The following XKR6 variants were observed in gnomAD, a reference collection of about 807,000 sequenced individuals.
XKR6 encodes XK related 6, also known as XK-related protein 6.
A neutral mutation model predicts 56.7 loss-of-function variants in XKR6; 22 were observed. The observed-to-expected ratio is 0.39, with a 90% CI of 0.28 to 0.55. XKR6 has a LOEUF of 0.55. Among genes scored for constraint, XKR6 ranks in the 20% least tolerant of loss-of-function variants. The pLI is 0.66. For synonymous variants in XKR6, 524 were observed against 387.8 expected (o/e 1.35, Z -4.13); for missense variants, 852 against 889.0 (o/e 0.96, Z 0.53).
At chr8:10,965,296 G>T (rs763219692) in intron 1 of XKR6, among the ~76,000 whole-genome samples, 27 of 152,184 alleles carry the variant, frequency 1.8e-4, no homozygotes, top group Non-Finnish European at 2.9e-4. Context: ...CAGGGCACGT[G>T]CCCTCGATCC....
intron 1 of XKR6, among the ~76,000 whole-genome samples, chr8:11,178,547 A>AAAAT (rs1802779950): frequency 1.1e-5 from 1 of 88,508 alleles, no homozygotes; most frequent in Admixed American, 1.1e-4. Flanking sequence ...GAGAGGTAAA[A>AAAAT]ATATATATAT....
At chr8:11,100,815 T>A (rs1353841532) in intron 1 of XKR6, among the ~76,000 whole-genome samples, 1 of 152,234 alleles carries the variant, frequency 6.6e-6, no homozygotes, top group African/African-American at 2.4e-5. Flanking sequence ...TTTGTCCCAA[T>A]CATTTTATGC....
chr8:11,078,266 G>A (rs1358057078), intron 1 of XKR6, among the ~76,000 whole-genome samples: 3 of 152,148 alleles, frequency 2.0e-5, no homozygotes, highest in African/African-American at 7.2e-5. Flanking sequence ...AGACTTTATC[G>A]ACATTGTCAA....
chr8:10,976,414 C>T (rs576408099), intron 1 of XKR6, among the ~76,000 whole-genome samples: 1 of 152,258 alleles, frequency 6.6e-6, no homozygotes, highest in South Asian at 2.1e-4. Flanking sequence ...GACCCGGAGG[C>T]ATGCAGACAG....
chr8:11,141,978 G>T (rs1469874829), intron 1 of XKR6, among the ~76,000 whole-genome samples: 1 of 147,372 alleles, frequency 6.8e-6, no homozygotes, highest in African/African-American at 2.5e-5. Context: ...CTCCAAGCTG[G>T]ACACATAAGA....
intron 2 of XKR6, among the ~76,000 whole-genome samples, chr8:10,913,109 A>G (rs1227207902): frequency 6.6e-6 from 1 of 151,680 alleles, no homozygotes; most frequent in Non-Finnish European, 1.5e-5. Flanking sequence ...GAGAGTATAT[A>G]TATAGAGGGT....
chr8:11,071,649 G>A lies in XKR6; in HGVS notation c.764+128927C>T, dbSNP rs531373399. On this transcript the variant is annotated intron_variant, in intron 1 of 2. Transcript: ENST00000416569. ...CCGAGTCCATGAGCCCCGAGTCCAT[G>A]AGCCCCGAGTCTATGAGCCCCGAGG... 7.4e-5 allele frequency among the ~76,000 whole-genome samples: 11 copies of A among 149,318 alleles called. No individual in the cohort carries two copies. In the South Asian group the frequency reaches 1.9e-3, roughly 26 times the overall value.
chr8:11,122,195 T>G (rs1406085913), intron 1 of XKR6, among the ~76,000 whole-genome samples: 1 of 152,218 alleles, frequency 6.6e-6, no homozygotes, highest in Non-Finnish European at 1.5e-5. Context: ...AATACGGTCT[T>G]GCCTTTTTAT....
chr8:11,108,710 A>G (rs185702006), intron 1 of XKR6: 2 of 202,832 alleles, frequency 9.9e-6, no homozygotes, highest in Non-Finnish European at 2.0e-5. Flanking sequence ...GCTCCATTCC[A>G]AGGCGACAGA....
At chr8:10,975,813 G>C (rs542662228) in intron 1 of XKR6, among the ~76,000 whole-genome samples, 2 of 152,272 alleles carry the variant, frequency 1.3e-5, no homozygotes, top group East Asian at 3.9e-4. Context: ...GGAGACTTGG[G>C]TTCAGATTCT....
At position 11,146,051 on chromosome 8, in the gene XKR6, CTT is replaced by C. The variant is rs144492684; in HGVS notation, c.764+54523_764+54524del. On this transcript the variant is annotated intron_variant, in intron 1 of 2. Transcript: ENST00000416569. ...GAAATACATATTTATGGTCAATTGA[CTT>C]TTGATAAAGGGGCAAGGGCAATTCA... is the stretch of plus-strand genomic sequence containing the variant. 1.0e-2 allele frequency among the ~76,000 whole-genome samples: 1,518 copies of C among 152,022 alleles called. 28 individuals carry two copies. Among genetic ancestry groups the C allele is most frequent in the African/African-American group, 0.035 (1,455 of 41,460 alleles).
At chr8:10,996,216 T>A (rs1397685292) in intron 1 of XKR6, among the ~76,000 whole-genome samples, 2 of 152,198 alleles carry the variant, frequency 1.3e-5, no homozygotes, top group African/African-American at 2.4e-5. Context: ...TGTAACCCAC[T>A]GTGATTTTTT....
At chr8:10,911,912 A>G (rs905581671) in intron 2 of XKR6, among the ~76,000 whole-genome samples, 2 of 150,770 alleles carry the variant, frequency 1.3e-5, no homozygotes, top group Non-Finnish European at 3.0e-5. Context: ...AGGTATATAT[A>G]GAGAGGGAGG....
chr8:11,033,543 G>T lies in XKR6; in HGVS notation c.765-108713C>A, dbSNP rs1799059323. ...CAATGAAGAAAAACAAAATGAAGAAGATCACGATGACAATGATGATTATGG... is the reference window on the plus strand; with the variant it reads ...CAATGAAGAAAAACAAAATGAAGAATATCACGATGACAATGATGATTATGG... On this transcript the variant is annotated intron_variant, in intron 1 of 2. Transcript: ENST00000416569. 2.6e-5 allele frequency among the ~76,000 whole-genome samples: 4 copies of T among 152,250 alleles called. 1 individual carries two copies. The Middle Eastern group carries it at 0.01, about 388-fold the overall frequency.
At chr8:11,148,855 A>G (rs1225368862) in intron 1 of XKR6, among the ~76,000 whole-genome samples, 1 of 152,256 alleles carries the variant, frequency 6.6e-6, no homozygotes, top group Non-Finnish European at 1.5e-5. Flanking sequence ...GGAAAGAACT[A>G]TTAATACCAC....
intron 1 of XKR6, among the ~76,000 whole-genome samples, chr8:11,144,987 T>G (rs1290345217): frequency 5.7e-4 from 57 of 99,224 alleles, no homozygotes; most frequent in East Asian, 1.5e-3. Flanking sequence ...AAGGGAGGGA[T>G]GGAGAAAGGG....
chr8:11,009,172 C>T (rs1161540456), intron 1 of XKR6, among the ~76,000 whole-genome samples: 1 of 151,950 alleles, frequency 6.6e-6, no homozygotes, highest in Non-Finnish European at 1.5e-5. Flanking sequence ...AATCAAGTTC[C>T]GTGTGTGTAA....
At chr8:11,042,779 A>T (rs1799317561) in intron 1 of XKR6, among the ~76,000 whole-genome samples, 1 of 148,734 alleles carries the variant, frequency 6.7e-6, no homozygotes, top group Non-Finnish European at 1.5e-5. Flanking sequence ...CAGATCTGGG[A>T]TGTGCTACCT....
At chr8:11,008,829 C>G (rs1254955876) in intron 1 of XKR6, among the ~76,000 whole-genome samples, 2 of 151,954 alleles carry the variant, frequency 1.3e-5, no homozygotes, top group African/African-American at 4.8e-5. Context: ...TGGTTGCAGG[C>G]CCCCCCGCCC....
Sources: gnomAD v4.1 joint callset for allele counts (sites outside exome capture counted in the v4.1 genomes callset) on GRCh38, gnomAD v4.1.1 for gene constraint, MANE v1.5 for transcripts, NCBI Gene and HGNC (gene_info 2026-07-23, HGNC 2026-07-21) for gene names.